The following TMTC1 variants were observed in gnomAD, a reference collection of about 807,000 sequenced individuals.
TMTC1 encodes transmembrane O-mannosyltransferase targeting cadherins 1.
Under a neutral mutation model 104.8 loss-of-function variants are expected in TMTC1, and 73 were observed. The observed-to-expected ratio is 0.70, with a 90% CI of 0.58 to 0.85. TMTC1 has a LOEUF of 0.85. Among genes scored for constraint, TMTC1 ranks in the 40% least tolerant of loss-of-function variants. The pLI, the probability that TMTC1 is intolerant of heterozygous loss-of-function variation, is 0.00. For synonymous variants in TMTC1, 434 were observed against 428.7 expected (o/e 1.01, Z -0.15); for missense variants, 1,035 against 1,096.1 (o/e 0.94, Z 0.79).
intron 1 of TMTC1, among the ~76,000 whole-genome samples, chr12:29,775,841 A>C (rs1289255092): frequency 2.0e-5 from 3 of 151,648 alleles, no homozygotes; most frequent in Non-Finnish European, 4.4e-5. Flanking sequence ...GCCAGCCCTC[A>C]CCCTATAACC....
At chr12:29,707,128 CT>C (rs1318277085) in intron 5 of TMTC1, among the ~76,000 whole-genome samples, 10 of 152,166 alleles carry the variant, frequency 6.6e-5, no homozygotes, top group Middle Eastern at 3.4e-3. Flanking sequence ...TGCTTTTCAC[CT>C]CGTGGATGTC....
At chr12:29,706,637 A>G (rs1941751773) in intron 5 of TMTC1, among the ~76,000 whole-genome samples, 1 of 152,218 alleles carries the variant, frequency 6.6e-6, no homozygotes, top group South Asian at 2.1e-4. Flanking sequence ...TTTCATCTGG[A>G]AACACAGACT....
intron 5 of TMTC1, among the ~76,000 whole-genome samples, chr12:29,740,451 T>A (rs1942795059): frequency 6.6e-6 from 1 of 152,180 alleles, no homozygotes; most frequent in Non-Finnish European, 1.5e-5. Flanking sequence ...CTTTCTCCCA[T>A]GCTGGATGCT....
intron 7 of TMTC1, among the ~76,000 whole-genome samples, chr12:29,594,773 T>C (rs1374043203): frequency 3.3e-5 from 5 of 152,200 alleles, no homozygotes; most frequent in Non-Finnish European, 7.4e-5. Flanking sequence ...AGTCTCTCTC[T>C]TCCATCCACA....
intron 6 of TMTC1, among the ~76,000 whole-genome samples, chr12:29,620,611 A>G (rs777143962): frequency 7.9e-5 from 12 of 152,220 alleles, no homozygotes; most frequent in Admixed American, 2.6e-4. Context: ...TCCATTTTAT[A>G]ATGAGGTACA....
chr12:29,772,762 T>C (rs1943623057), intron 1 of TMTC1, among the ~76,000 whole-genome samples: 1 of 152,086 alleles, frequency 6.6e-6, no homozygotes. Context: ...AAAAAGAACA[T>C]CTCAGGTTCT....
At chr12:29,686,305 T>G (rs1020176367) in intron 5 of TMTC1, among the ~76,000 whole-genome samples, 2 of 152,224 alleles carry the variant, frequency 1.3e-5, no homozygotes, top group Admixed American at 1.3e-4. Flanking sequence ...ACATATTTTA[T>G]TATCATATTA....
At chr12:29,697,319 G>C (rs999694959) in intron 5 of TMTC1, among the ~76,000 whole-genome samples, 13 of 152,046 alleles carry the variant, frequency 8.6e-5, no homozygotes, top group Non-Finnish European at 1.5e-5. Context: ...GCTTCTCTTG[G>C]TTATACTCTA....
Position 29,506,792 on chromosome 12 carries a change from A to G in TMTC1, c.*54T>C. On this transcript the variant is annotated 3_prime_UTR_variant, in exon 18 of 18. Coordinates refer to ENST00000539277, the MANE Select transcript of TMTC1 (RefSeq NM_001193451.2). ...CTGATGTGAAAGCAAGGCTTCCATCACTCCCCTTTCAGAGGCACCACATTA... is the reference window on the plus strand; with the variant it reads ...CTGATGTGAAAGCAAGGCTTCCATCGCTCCCCTTTCAGAGGCACCACATTA... The G allele has an allele frequency of 6.2e-7, 1 of 1,604,390 alleles. No individual in the cohort carries two copies.
chr12:29,629,247 G>A (rs1938170476), intron 6 of TMTC1, among the ~76,000 whole-genome samples: 1 of 151,892 alleles, frequency 6.6e-6, no homozygotes, highest in African/African-American at 2.4e-5. Flanking sequence ...CGTGAACCCG[G>A]GAGGTGGAGT....
At chr12:29,664,082 G>C (rs1028031749) in intron 5 of TMTC1, among the ~76,000 whole-genome samples, 1 of 150,330 alleles carries the variant, frequency 6.7e-6, no homozygotes, top group Non-Finnish European at 1.5e-5. Flanking sequence ...AGCTACTTGG[G>C]AGGCTGAGGA....
intron 8 of TMTC1, among the ~76,000 whole-genome samples, chr12:29,574,796 A>C (rs1191610921): frequency 2.6e-5 from 4 of 152,340 alleles, no homozygotes; most frequent in South Asian, 2.1e-4. Flanking sequence ...CTATATCCAG[A>C]TACAGTGAAA....
chr12:29,624,122 T>G (rs112758941), intron 6 of TMTC1, among the ~76,000 whole-genome samples: 2 of 151,914 alleles, frequency 1.3e-5, no homozygotes, highest in African/African-American at 4.8e-5. Context: ...TGGGATTACA[T>G]GCACCCACCA....
chr12:29,587,457 C>T lies in TMTC1; in HGVS notation c.1251-3883G>A, dbSNP rs73071586. Among the ~76,000 whole-genome samples, 474 of 152,092 alleles carry T rather than the reference C, an allele frequency of 3.1e-3. 1 individual carries two copies. Among genetic ancestry groups the T allele is most frequent in the Non-Finnish European group, 4.6e-3 (314 of 67,972 alleles). ...CAACTGATTCTCCCTCCTCAGCCTC[C>T]CCAGTAGTTGGGACTTAGGTGTTCA... On this transcript the variant is annotated intron_variant, in intron 7 of 17. Transcript: ENST00000539277.
intron 10 of TMTC1, among the ~76,000 whole-genome samples, chr12:29,538,319 C>T (rs1266082896): frequency 6.6e-6 from 1 of 152,122 alleles, no homozygotes; most frequent in Non-Finnish European, 1.5e-5. Context: ...TCCATTGGCA[C>T]ATGTTTTTTA....
At chr12:29,533,652 T>C (rs1442654627) in intron 11 of TMTC1, 1 of 152,228 alleles carries the variant, frequency 6.6e-6, no homozygotes, top group Non-Finnish European at 1.5e-5. Flanking sequence ...CAGGGCTTCC[T>C]AACTAATACT....
At chr12:29,586,374 T>G (rs1279293187) in intron 7 of TMTC1, among the ~76,000 whole-genome samples, 1 of 152,208 alleles carries the variant, frequency 6.6e-6, no homozygotes, top group Non-Finnish European at 1.5e-5. Flanking sequence ...AATCATGTCA[T>G]CTGCAAACAG....
At chr12:29,631,807 ATTAC>A (rs1938310989) in intron 6 of TMTC1, among the ~76,000 whole-genome samples, 1 of 152,136 alleles carries the variant, frequency 6.6e-6, no homozygotes, top group South Asian at 2.1e-4. Context: ...TGCTGAAATT[ATTAC>A]TCAGTTCTTT....
intron 10 of TMTC1, among the ~76,000 whole-genome samples, chr12:29,552,600 C>T (rs954678707): frequency 3.9e-5 from 6 of 152,124 alleles, no homozygotes; most frequent in Non-Finnish European, 7.4e-5. Flanking sequence ...TCTGTGTCTT[C>T]TATTTCCTTA....
Sources: gnomAD v4.1 joint callset for allele counts (sites outside exome capture counted in the v4.1 genomes callset) on GRCh38, gnomAD v4.1.1 for gene constraint, MANE v1.5 for transcripts, NCBI Gene and HGNC (gene_info 2026-07-23, HGNC 2026-07-21) for gene names.